Variants in CDH18 observed in about 807,000 individuals in gnomAD.
The protein encoded by CDH18 is cadherin-18.
A neutral mutation model predicts 67.9 loss-of-function variants in CDH18; 31 were observed. The ratio of observed to expected loss-of-function variants is 0.46; its 90% CI spans 0.34 to 0.62. CDH18 has a LOEUF of 0.62. Ranked by LOEUF, CDH18 falls within the 20% of genes least tolerant of loss-of-function variation. The pLI, the probability that CDH18 is intolerant of heterozygous loss-of-function variation, is 0.01. For synonymous variants in CDH18, 362 were observed against 347.2 expected (o/e 1.04, Z -0.48); for missense variants, 890 against 975.5 (o/e 0.91, Z 1.17).
chr5:20,058,602 C>T (rs751007054), intron 2 of CDH18, among the ~76,000 whole-genome samples: 8 of 152,036 alleles, frequency 5.3e-5, no homozygotes, highest in East Asian at 3.9e-4. Context: ...CTCAAGTTTC[C>T]GAGCCTAGCC....
At chr5:20,157,821 T>C (rs1751657258) in intron 2 of CDH18, among the ~76,000 whole-genome samples, 3 of 152,202 alleles carry the variant, frequency 2.0e-5, no homozygotes, top group Non-Finnish European at 2.9e-5. Context: ...TTTGTATTTT[T>C]AGTAGAGATG....
chr5:20,076,372 C>A (rs1415496273), intron 2 of CDH18, among the ~76,000 whole-genome samples: 6 of 151,894 alleles, frequency 4.0e-5, no homozygotes, highest in South Asian at 2.1e-4. Flanking sequence ...ATTAGATTGT[C>A]TTTGTCTATT....
intron 7 of CDH18, among the ~76,000 whole-genome samples, chr5:19,580,146 A>T (rs1206159121): frequency 6.6e-6 from 1 of 151,872 alleles, no homozygotes; most frequent in Non-Finnish European, 1.5e-5. Flanking sequence ...TGTAATGTTC[A>T]AAGTTTTTTG....
chr5:19,936,392 T>C (rs536804571), intron 2 of CDH18, among the ~76,000 whole-genome samples: 1 of 151,384 alleles, frequency 6.6e-6, no homozygotes, highest in East Asian at 1.9e-4. Context: ...AGGAAAGCCA[T>C]GGGAATGTTC....
At chr5:19,994,829 AATATATATAT>A (rs1554078421) in intron 2 of CDH18, among the ~76,000 whole-genome samples, 1 of 21,030 alleles carries the variant, frequency 4.8e-5, no homozygotes, top group Non-Finnish European at 7.7e-5. Flanking sequence ...ATATAAAGAG[AATATATATAT>A]ATATATATAT....
chr5:19,809,478 T>C (rs550032019), intron 3 of CDH18, among the ~76,000 whole-genome samples: 9 of 152,176 alleles, frequency 5.9e-5, no homozygotes, highest in Non-Finnish European at 1.3e-4. Flanking sequence ...TGTATACATA[T>C]GTAACTAACC....
intron 1 of CDH18, among the ~76,000 whole-genome samples, chr5:20,397,278 G>T (rs149048343): frequency 1.3e-5 from 2 of 151,630 alleles, no homozygotes; most frequent in Non-Finnish European, 2.9e-5. Context: ...TTACAGGTGC[G>T]CACCACCACG....
intron 7 of CDH18, among the ~76,000 whole-genome samples, chr5:19,580,729 T>G (rs1743107797): frequency 6.6e-6 from 1 of 151,948 alleles, no homozygotes; most frequent in African/African-American, 2.4e-5. Context: ...GTTAAGAAAC[T>G]CCTTATGGAC....
intron 12 of CDH18, among the ~76,000 whole-genome samples, chr5:19,480,772 A>G (rs1363687742): frequency 1.3e-5 from 2 of 151,770 alleles, no homozygotes; most frequent in Non-Finnish European, 2.9e-5. Flanking sequence ...TATTTTTGAG[A>G]CAGAGTCTCA....
intron 8 of CDH18, among the ~76,000 whole-genome samples, chr5:19,546,418 G>T (rs1257113489): frequency 6.6e-6 from 1 of 152,118 alleles, no homozygotes; most frequent in Non-Finnish European, 1.5e-5. Flanking sequence ...TTTGAAAAAG[G>T]GGACTATCAA....
intron 7 of CDH18, among the ~76,000 whole-genome samples, chr5:19,588,036 T>C (rs1744477146): frequency 6.6e-6 from 1 of 152,094 alleles, no homozygotes; most frequent in Non-Finnish European, 1.5e-5. Flanking sequence ...GGTATTTTAC[T>C]CTTTTTGTGG....
At chr5:20,405,932 A>G (rs1746208678) in intron 1 of CDH18, among the ~76,000 whole-genome samples, 1 of 152,170 alleles carries the variant, frequency 6.6e-6, no homozygotes, top group African/African-American at 2.4e-5. Context: ...GTCAGGAAAC[A>G]ACAGGTGCTG....
chr5:20,334,091 G>T (rs958975718), intron 1 of CDH18, among the ~76,000 whole-genome samples: 14 of 147,624 alleles, frequency 9.5e-5, no homozygotes, highest in African/African-American at 2.0e-4. Flanking sequence ...TAATAAAATA[G>T]TCATTACTGT....
intron 1 of CDH18, among the ~76,000 whole-genome samples, chr5:20,290,425 T>A (rs1378220850): frequency 5.3e-5 from 8 of 152,138 alleles, no homozygotes; most frequent in Admixed American, 5.2e-4. Flanking sequence ...TGGCAACATC[T>A]ATTCAACAAA....
intron 5 of CDH18, among the ~76,000 whole-genome samples, chr5:19,708,952 G>A (rs1162339728): frequency 1.3e-5 from 2 of 151,894 alleles, no homozygotes; most frequent in South Asian, 2.1e-4. Context: ...CAGCATCAGC[G>A]AGACAAGATG....
chr5:19,586,533 G>A (rs940027491), intron 7 of CDH18, among the ~76,000 whole-genome samples: 4 of 152,118 alleles, frequency 2.6e-5, no homozygotes, highest in Non-Finnish European at 2.9e-5. Context: ...CAAAGGACAC[G>A]AATGTAGTTC....
chr5:19,756,464 AC>A, intron 3 of CDH18, among the ~76,000 whole-genome samples: 1 of 152,220 alleles, frequency 6.6e-6, no homozygotes, highest in South Asian at 2.1e-4. Context: ...AGTGACCCAA[AC>A]CTTTACTCCT....
At chr5:19,842,788 A>T (rs984638486) in intron 2 of CDH18, among the ~76,000 whole-genome samples, 1 of 152,120 alleles carries the variant, frequency 6.6e-6, no homozygotes, top group East Asian at 1.9e-4. Flanking sequence ...AACGGTTTTG[A>T]CCCAAACACT....
chr5:20,571,184 C>T (rs1226476869), intron 1 of CDH18, among the ~76,000 whole-genome samples: 1 of 152,134 alleles, frequency 6.6e-6, no homozygotes, highest in Non-Finnish European at 1.5e-5. Flanking sequence ...GACACCTCTA[C>T]GTCTTTACCA....
Sources: allele counts gnomAD v4.1 joint callset (sites outside exome capture counted in the v4.1 genomes callset), GRCh38; gene constraint gnomAD v4.1.1; transcripts MANE v1.5; gene names NCBI Gene and HGNC (gene_info 2026-07-23, HGNC 2026-07-21).